Variants in RFTN2 observed in about 807,000 individuals in gnomAD.
RFTN2 encodes the protein raftlin family member 2.
RFTN2 carries 34 observed loss-of-function variants against 52.7 expected under a neutral mutation model. The ratio of observed to expected loss-of-function variants is 0.64; its 90% CI spans 0.49 to 0.86. The LOEUF is 0.86. Ranked by LOEUF, RFTN2 falls within the 40% of genes least tolerant of loss-of-function variation. The pLI, the probability that RFTN2 is intolerant of heterozygous loss-of-function variation, is 0.00. For missense variants in RFTN2, 536 were observed against 600.1 expected, an observed-to-expected ratio of 0.89 and a Z score of 1.12; for synonymous variants, 203 against 217.7, an observed-to-expected ratio of 0.93 and a Z score of 0.59.
At position 197,575,228 on chromosome 2, in the gene RFTN2, C is replaced by T. The variant is rs112934452; in HGVS notation, c.1234-2948G>A. Among the ~76,000 whole-genome samples, 78 of 152,308 alleles carry T rather than the reference C, an allele frequency of 5.1e-4. 2 individuals carry two copies. The highest frequency in any genetic ancestry group is 1.7e-3 in the African/African-American group (71 of 41,568). ...ATGACTTTGCTCCTCATTCACCTTC[C>T]GCCATGGTTGTGAGGCCTCCCTAAC... On this transcript the variant is annotated intron_variant, in intron 8 of 8. Transcript: ENST00000295049.
In RFTN2 at chr2:197,568,845, AGAAAT is replaced by A. The variant is rs1302113276; in HGVS notation, c.*3158_*3162del. The A allele has an allele frequency of 6.6e-6, 1 of 152,232 alleles. No individual in the cohort carries two copies. The allele number at this position is 152,232 out of a possible 1,614,324, so 9.4% of individuals were successfully genotyped here. A position where few individuals can be genotyped will look rare whatever the true frequency, so the allele number is the denominator to read the frequency against. On this transcript the variant is annotated 3_prime_UTR_variant, in exon 9 of 9. Coordinates refer to ENST00000295049, the MANE Select transcript of RFTN2 (RefSeq NM_144629.3). ...AGCTCCTCTGGCACTCCAGAATGAAAGAAATGAAAATGCATCTGTTACATTTATAT... is the reference window on the plus strand; with the variant it reads ...AGCTCCTCTGGCACTCCAGAATGAAAGAAAATGCATCTGTTACATTTATAT...
chr2:197,659,459 G>A (rs947106046), intron 1 of RFTN2, among the ~76,000 whole-genome samples: 5 of 121,434 alleles, frequency 4.1e-5, no homozygotes, highest in Admixed American at 9.9e-5. Flanking sequence ...CCTGGCAACA[G>A]AGCAAGACTC....
chr2:197,591,980 T>C (rs1380799793), intron 8 of RFTN2, among the ~76,000 whole-genome samples: 1 of 151,962 alleles, frequency 6.6e-6, no homozygotes, highest in Non-Finnish European at 1.5e-5. Flanking sequence ...GGCTCTGGCC[T>C]CGGCCAGACC....
At chr2:197,666,697 C>T (rs987276519) in intron 1 of RFTN2, among the ~76,000 whole-genome samples, 6 of 152,188 alleles carry the variant, frequency 3.9e-5, no homozygotes, top group Non-Finnish European at 4.4e-5. Flanking sequence ...AAGTTTTCAC[C>T]TATTATTTCA....
chr2:197,583,210 C>T (rs984068442), intron 8 of RFTN2, among the ~76,000 whole-genome samples: 9 of 152,158 alleles, frequency 5.9e-5, no homozygotes, highest in African/African-American at 2.2e-4. Context: ...TGTTCAGGCT[C>T]CCTCACTTCC....
chr2:197,611,780 T>C (rs1363446919), intron 7 of RFTN2, among the ~76,000 whole-genome samples: 1 of 152,246 alleles, frequency 6.6e-6, no homozygotes, highest in Admixed American at 6.5e-5. Flanking sequence ...CACATTGCTT[T>C]AAATGTGTCC....
intron 8 of RFTN2, among the ~76,000 whole-genome samples, chr2:197,589,641 T>A (rs1172584845): frequency 1.3e-5 from 2 of 152,246 alleles, no homozygotes; most frequent in African/African-American, 4.8e-5. Flanking sequence ...ATGTATTTAC[T>A]TCTCATTTAC....
intron 1 of RFTN2, among the ~76,000 whole-genome samples, chr2:197,657,456 G>A (rs1396065688): frequency 1.3e-5 from 2 of 152,114 alleles, no homozygotes; most frequent in East Asian, 1.9e-4. Flanking sequence ...TGAACCTATT[G>A]TGGAAACATA....
At chr2:197,640,937 G>A (rs1216542925) in intron 3 of RFTN2, among the ~76,000 whole-genome samples, 1 of 152,156 alleles carries the variant, frequency 6.6e-6, no homozygotes, top group Non-Finnish European at 1.5e-5. Context: ...GCTGACGTAG[G>A]GGACTGTGTC....
rs1470982663 is a variant in RFTN2 at position 197,575,839 on chromosome 2, A to ATATATAATATAT, written c.1234-3560_1234-3559insATATATTATATA. On this transcript the variant is annotated intron_variant, in intron 8 of 8. Transcript: ENST00000295049. ...ATATATATTCTATATATAATATATT[A>ATATATAATATAT]TATATATTTTATATACATAATATAT... Among the ~76,000 whole-genome samples the ATATATAATATAT allele has an allele frequency of 2.9e-3, 253 of 88,344 alleles. 1 individual carries two copies. The highest frequency in any genetic ancestry group is 3.2e-3 in the Non-Finnish European group (130 of 41,200). 58.0% of individuals were successfully genotyped at this position (88,344 alleles called of 152,430 possible).
intron 3 of RFTN2, among the ~76,000 whole-genome samples, chr2:197,643,896 C>T (rs2088709847): frequency 6.6e-6 from 1 of 152,040 alleles, no homozygotes; most frequent in Non-Finnish European, 1.5e-5. Flanking sequence ...AATGGTTGTT[C>T]CTCCATTTTA....
chr2:197,632,037 G>C (rs955846174), intron 4 of RFTN2, among the ~76,000 whole-genome samples: 15 of 152,156 alleles, frequency 9.9e-5, no homozygotes, highest in Non-Finnish European at 1.9e-4. Flanking sequence ...AAAATACTGA[G>C]AGAGAGGAAT....
In RFTN2 at chr2:197,675,563, T is replaced by C. The variant is rs926009912; in HGVS notation, c.-105A>G. ...GTTACAGACTTAACTGCTTTGATTT[T>C]GTTTTCAGCTAAACTATAGATAACC... On this transcript the variant is annotated 5_prime_UTR_variant, in exon 1 of 9. Coordinates refer to ENST00000295049, the MANE Select transcript of RFTN2 (RefSeq NM_144629.3). 29 of 560,306 alleles carry C rather than the reference T, an allele frequency of 5.2e-5. No homozygotes were observed. The African/African-American group carries it at 5.3e-4, about 10-fold the overall frequency. 34.7% of individuals were successfully genotyped at this position (560,306 alleles called of 1,614,324 possible).
At chr2:197,619,814 A>G (rs962089553) in intron 5 of RFTN2, among the ~76,000 whole-genome samples, 3 of 150,600 alleles carry the variant, frequency 2.0e-5, no homozygotes, top group Non-Finnish European at 4.4e-5. Context: ...GGCTGAATCA[A>G]TAATCTCCTC....
intron 3 of RFTN2, among the ~76,000 whole-genome samples, chr2:197,642,461 G>A (rs2088688346): frequency 6.6e-6 from 1 of 152,038 alleles, no homozygotes; most frequent in Non-Finnish European, 1.5e-5. Context: ...TTTCAATTAA[G>A]TTATATTGTA....
Position 197,615,907 on chromosome 2 carries a change from CG to C in RFTN2, c.1122del (p.Ser374ArgfsTer8). On this transcript the variant is annotated frameshift_variant, in exon 7 of 9. Transcript: ENST00000295049. LOFTEE classifies it high-confidence loss of function. The part of the protein sequence containing the change: ...TLAEFGWLLT[S>X]VLPTPVLRHD... ...TGTCTCAATACAGGTGTGGGCAACA[CG>C]CTTGTCAGAAGCCATCCGAATTCAG... 2 of 1,557,422 alleles carry C rather than the reference CG, an allele frequency of 1.3e-6. No homozygotes were observed. Among genetic ancestry groups the C allele is most frequent in the South Asian group, 2.4e-5 (2 of 84,554 alleles).
chr2:197,577,575 TAC>T lies in RFTN2; in HGVS notation c.1234-5297_1234-5296del, dbSNP rs756199826. Among the ~76,000 whole-genome samples, 109 of 152,368 alleles carry T rather than the reference TAC, an allele frequency of 7.2e-4. 1 individual carries two copies. Among genetic ancestry groups the T allele is most frequent in the Non-Finnish European group, 1.2e-3 (83 of 68,030 alleles). ...GCACTGGGGCATTGGTCAGCAAGGA[TAC>T]AGTCTTTTGGCTTCAGATACGGCTG... On this transcript the variant is annotated intron_variant, in intron 8 of 8. Coordinates refer to ENST00000295049, the MANE Select transcript of RFTN2 (RefSeq NM_144629.3).
At chr2:197,659,477 TAAA>T (rs55804577) in intron 1 of RFTN2, among the ~76,000 whole-genome samples, 88 of 94,688 alleles carry the variant, frequency 9.3e-4, no homozygotes, top group African/African-American at 1.7e-3. Context: ...CTCCATCTCA[TAAA>T]AAAAAAAAAA....
At chr2:197,637,692 C>G (rs1369769795) in intron 3 of RFTN2, among the ~76,000 whole-genome samples, 3 of 151,472 alleles carry the variant, frequency 2.0e-5, no homozygotes, top group Non-Finnish European at 4.4e-5. Flanking sequence ...AAAACCAGCT[C>G]CTGGATTCAT....
Sources: allele counts gnomAD v4.1 joint callset (sites outside exome capture counted in the v4.1 genomes callset), GRCh38; gene constraint gnomAD v4.1.1; transcripts MANE v1.5; gene names NCBI Gene and HGNC (gene_info 2026-07-23, HGNC 2026-07-21).